RPE: variants seen among roughly 807,000 people sequenced by gnomAD.
RPE encodes ribulose-phosphate 3-epimerase.
A neutral mutation model predicts 24.6 loss-of-function variants in RPE; 16 were observed. That is an observed-to-expected ratio of 0.65 (90% CI 0.44 to 0.99). The LOEUF is 0.99. Ranked by LOEUF, RPE falls within the 50% of genes least tolerant of loss-of-function variation. RPE has a pLI of 0.00. For synonymous variants in RPE, 93 were observed against 98.4 expected (o/e 0.94, Z 0.33); for missense variants, 240 against 294.5 (o/e 0.81, Z 1.35).
At chr2:210,016,269 C>T (rs969599661) in intron 3 of RPE, 157 bp downstream of exon 3, 2 of 1,613,364 alleles carry the variant, frequency 1.2e-6, no homozygotes, top group East Asian at 2.2e-5. Context: ...TAAAGAATAC[C>T]TTACTTAAGC....
At chr2:210,015,933 G>T (rs1176418573) in intron 2 of RPE, 40 bp from the exon 3 acceptor site, 1 of 1,603,688 alleles carries the variant, frequency 6.2e-7, no homozygotes, top group Non-Finnish European at 8.5e-7. Flanking sequence ...CATGAGCCAG[G>T]TATTTTTCAG....
In RPE at chr2:210,002,782, G is replaced by C. The variant is rs775386529; in HGVS notation, c.121G>C (p.Gly41Arg). Residue 41 changes from glycine (G) to arginine (R), a missense_variant and splice_region_variant, in exon 1 of 6, where the codon GGG (glycine) becomes CGG (arginine). Physicochemically the swap from Gly to Arg is moderately radical, Grantham distance 125 (BLOSUM62 -2). Transcript: ENST00000359429. ...ADYLHLDVMD[G>R]HFVPNITFGH... ...TTATCTGCACCTGGACGTAATGGAC[G>C]GGTAACTCCTCCGGGCTCCGGTCGG... 2 of 1,614,124 alleles carry C rather than the reference G, an allele frequency of 1.2e-6. No homozygotes were observed. Among genetic ancestry groups the C allele is most frequent in the Non-Finnish European group, 1.7e-6 (2 of 1,179,994 alleles).
chr2:210,015,527 T>C (rs1056490321), intron 2 of RPE, among the ~76,000 whole-genome samples: 3 of 152,224 alleles, frequency 2.0e-5, no homozygotes, highest in African/African-American at 7.2e-5. Context: ...CAGGAGAGTT[T>C]CATGTTTTTG....
chr2:210,011,831 A>ATTTTTTT (rs56083964), intron 2 of RPE, among the ~76,000 whole-genome samples: 218 of 106,038 alleles, frequency 2.1e-3, no homozygotes, highest in Non-Finnish European at 2.6e-3. Context: ...ACAACCGGCT[A>ATTTTTTT]TTTTTTTTTT....
chr2:210,004,605 C>T (rs1234822005), intron 1 of RPE, among the ~76,000 whole-genome samples: 1 of 152,226 alleles, frequency 6.6e-6, no homozygotes, highest in Non-Finnish European at 1.5e-5. Flanking sequence ...GTATTTATTT[C>T]TGTTAACTGT....
In RPE at chr2:210,019,687, G is replaced by T; in HGVS notation, c.583G>T (p.Val195Leu). ...CTTCCAGGCAGGAGCTAACATGATT[G>T]TGTCTGGCAGTGCTATTATGAGGAG... ...KCAEAGANMI[V>L]SGSAIMRSED... The change falls in exon 6 of 6, where the codon GTG becomes TTG. Residue 195 changes from valine to leucine, a missense_variant. Val to Leu is a conservative substitution (Grantham distance 32, BLOSUM62 1). Transcript: ENST00000359429. 2 of 1,612,838 alleles carry T rather than the reference G, an allele frequency of 1.2e-6. No homozygotes were observed. Among genetic ancestry groups the T allele is most frequent in the African/African-American group, 1.3e-5 (1 of 75,008 alleles).
chr2:210,006,176 C>T (rs2093628224), intron 1 of RPE, among the ~76,000 whole-genome samples: 1 of 152,176 alleles, frequency 6.6e-6, no homozygotes, highest in African/African-American at 2.4e-5. Context: ...AGTGAAGTTT[C>T]TCTCTGTTAA....
At chr2:210,010,404 T>A (rs1294460035) in intron 2 of RPE, among the ~76,000 whole-genome samples, 1 of 152,194 alleles carries the variant, frequency 6.6e-6, no homozygotes, top group Non-Finnish European at 1.5e-5. Context: ...ATTTTACACA[T>A]TTTTATAAAT....
rs372245476 is a variant in RPE at position 210,014,234 on chromosome 2, G to A, written c.203-1739G>A. Among the ~76,000 whole-genome samples the A allele has an allele frequency of 2.5e-3, 375 of 152,076 alleles. 3 individuals carry two copies. Among genetic ancestry groups the A allele is most frequent in the African/African-American group, 8.7e-3 (362 of 41,482 alleles). ...CTCTCGAGTAGCTGGGATTACAGGC[G>A]CCCGCCACCACGCCCAGCTAATTTT... On this transcript the variant is annotated intron_variant, in intron 2 of 5. Coordinates refer to ENST00000359429, the MANE Select transcript of RPE (RefSeq NM_199229.3).
chr2:210,004,637 T>C (rs1026885507), intron 1 of RPE, among the ~76,000 whole-genome samples: 3 of 152,246 alleles, frequency 2.0e-5, no homozygotes, highest in Admixed American at 6.5e-5. Flanking sequence ...TGTTAACTTA[T>C]TTCATGTCTC....
chr2:210,007,255 A>G (rs1474631935), intron 1 of RPE, among the ~76,000 whole-genome samples: 4 of 152,128 alleles, frequency 2.6e-5, no homozygotes, highest in African/African-American at 9.7e-5. Flanking sequence ...CACTCATTCT[A>G]CCTGTCATCT....
At chr2:210,004,972 A>G (rs2093610554) in intron 1 of RPE, among the ~76,000 whole-genome samples, 1 of 152,232 alleles carries the variant, frequency 6.6e-6, no homozygotes. Context: ...TTCTGCATAC[A>G]CAATTTTAAA....
At chr2:210,017,392 TTTTG>T in intron 4 of RPE, 77 bp from the exon 5 acceptor site, 3 of 1,151,800 alleles carry the variant, frequency 2.6e-6, no homozygotes, top group South Asian at 2.8e-5. Flanking sequence ...TGTTGGATTT[TTTTG>T]TTTGATTGTC....
At chr2:210,015,577 T>C (rs904890150) in intron 2 of RPE, among the ~76,000 whole-genome samples, 37 of 152,176 alleles carry the variant, frequency 2.4e-4, no homozygotes. Flanking sequence ...GATGCAGCAA[T>C]AGCTCGATAA....
At position 210,019,705 on chromosome 2, in the gene RPE, A is replaced by G. The variant is rs2093832724; in HGVS notation, c.601A>G (p.Met201Val). The change falls in exon 6 of 6, where the codon ATG becomes GTG. Residue 201 changes from methionine to valine, a missense_variant. Transcript: ENST00000359429. ...CATGATTGTGTCTGGCAGTGCTATT[A>G]TGAGGAGTGAAGACCCCAGATCTGT... ...ANMIVSGSAI[M>V]RSEDPRSVIN... 1 of 1,613,420 alleles carries G rather than the reference A, an allele frequency of 6.2e-7. No homozygotes were observed. The highest frequency in any genetic ancestry group is 1.3e-5 in the African/African-American group (1 of 74,928).
rs375877962 is a variant in RPE at position 210,003,897 on chromosome 2, A to T, written c.122+1114A>T. Among the ~76,000 whole-genome samples, 4 of 152,184 alleles carry T rather than the reference A, an allele frequency of 2.6e-5. 1 individual carries two copies. In the South Asian group the frequency reaches 8.3e-4, roughly 32 times the overall value. On this transcript the variant is annotated intron_variant, in intron 1 of 5. Transcript: ENST00000359429. ...TTTCTCTTTGGCATTTTACCCAGTT[A>T]CCTTAGGAGTCCACCCAACTGATAA...
Position 210,002,793 on chromosome 2 carries a change from C to T in RPE, c.122+10C>T, listed in dbSNP as rs768592983. 3 of 1,614,172 alleles carry T rather than the reference C, an allele frequency of 1.9e-6. No homozygotes were observed. In the South Asian group the frequency reaches 3.3e-5, roughly 18 times the overall value. ...TGGACGTAATGGACGGGTAACTCCTCCGGGCTCCGGTCGGGCTTGCCGCGC... is the reference window on the plus strand; with the variant it reads ...TGGACGTAATGGACGGGTAACTCCTTCGGGCTCCGGTCGGGCTTGCCGCGC... On this transcript the variant is annotated intron_variant, in intron 1 of 5. Transcript: ENST00000359429.
chr2:210,009,415 T>C (rs1438375350), intron 1 of RPE, among the ~76,000 whole-genome samples: 3 of 152,214 alleles, frequency 2.0e-5, no homozygotes, highest in African/African-American at 7.2e-5. Context: ...TCATGGGTCG[T>C]GAATTACGGA....
At chr2:210,004,031 ATTATAC>A (rs1454746038) in intron 1 of RPE, among the ~76,000 whole-genome samples, 5 of 152,208 alleles carry the variant, frequency 3.3e-5, no homozygotes, top group Admixed American at 6.5e-5. Context: ...ATTATATGTA[ATTATAC>A]TTATATACTT....
Sources: gnomAD v4.1 joint callset for allele counts (sites outside exome capture counted in the v4.1 genomes callset) on GRCh38, gnomAD v4.1.1 for gene constraint, MANE v1.5 for transcripts, NCBI Gene and HGNC (gene_info 2026-07-23, HGNC 2026-07-21) for gene names.